Variants in RBFOX1 observed in about 807,000 individuals in gnomAD.
RBFOX1 encodes the protein RNA binding fox-1 homolog 1, also known as RNA binding protein fox-1 homolog 1.
Under a neutral mutation model 57.7 loss-of-function variants are expected in RBFOX1, and 8 were observed. The observed-to-expected ratio is 0.14, with a 90% CI of 0.08 to 0.25. The LOEUF is 0.25. RBFOX1 is among the 10% of genes least tolerant of loss of function. The pLI is 1.00. For synonymous variants in RBFOX1, 326 were observed against 222.4 expected (o/e 1.47, Z -4.15); for missense variants, 611 against 548.5 (o/e 1.11, Z -1.14).
intron 1 of RBFOX1, among the ~76,000 whole-genome samples, chr16:6,100,168 GTTGTTGTTT>G (rs2096286964): frequency 6.7e-6 from 1 of 149,142 alleles, no homozygotes; most frequent in Non-Finnish European, 1.5e-5. Flanking sequence ...TTTTTTTGTT[GTTGTTGTTT>G]TTTGAGACGG....
intron 4 of RBFOX1, among the ~76,000 whole-genome samples, chr16:7,388,933 G>A (rs1452985750): frequency 6.6e-6 from 1 of 152,084 alleles, no homozygotes; most frequent in Non-Finnish European, 1.5e-5. Context: ...CATATCATAA[G>A]TCAAGGAAAG....
intron 3 of RBFOX1, among the ~76,000 whole-genome samples, chr16:6,732,797 TAATG>T (rs1248553157): frequency 6.6e-6 from 1 of 152,190 alleles, no homozygotes; most frequent in Non-Finnish European, 1.5e-5. Context: ...GAAGAGTAAA[TAATG>T]AGGTGGAGTT....
chr16:6,406,718 G>A (rs570640697), intron 2 of RBFOX1, among the ~76,000 whole-genome samples: 5 of 152,028 alleles, frequency 3.3e-5, no homozygotes, highest in Non-Finnish European at 5.9e-5. Context: ...AGAGGATGCT[G>A]GGACCCCCAT....
chr16:6,510,852 C>G (rs527357007), intron 2 of RBFOX1, among the ~76,000 whole-genome samples: 3 of 149,910 alleles, frequency 2.0e-5, no homozygotes, highest in East Asian at 1.9e-4. Context: ...GTGCTGCACC[C>G]TTAAAAAAAA....
intron 4 of RBFOX1, among the ~76,000 whole-genome samples, chr16:7,067,474 C>T (rs1421946169): frequency 6.6e-6 from 1 of 150,668 alleles, no homozygotes; most frequent in Non-Finnish European, 1.5e-5. Context: ...ATTCTGATTG[C>T]AGTCAGAGTC....
At chr16:6,421,686 C>CA (rs2093776030) in intron 2 of RBFOX1, among the ~76,000 whole-genome samples, 1 of 152,116 alleles carries the variant, frequency 6.6e-6, no homozygotes, top group African/African-American at 2.4e-5. Context: ...ATCACACACA[C>CA]AAAAAATGAT....
chr16:5,630,399 G>A (rs975554741), intron 3 of RBFOX1, among the ~76,000 whole-genome samples: 1 of 152,114 alleles, frequency 6.6e-6, no homozygotes, highest in Non-Finnish European at 1.5e-5. Context: ...GGAGTTTGCA[G>A]TGAGCCAAGA....
rs78546624 is a variant in RBFOX1 at position 5,855,749 on chromosome 16, A to T, written c.319-11554A>T. 5.9e-3 allele frequency among the ~76,000 whole-genome samples: 899 copies of T among 151,620 alleles called. 16 individuals are homozygous for T. The highest frequency in any genetic ancestry group is 0.02 in the African/African-American group (841 of 41,366). On this transcript the variant is annotated intron_variant, in intron 3 of 19. Transcript: ENST00000641259. ...TATGAATTTTAGGGTTGTTTTTTCT[A>T]TTTCTTTGGAATTTCCTTGGAATTT...
At chr16:7,062,135 G>C (rs1032353511) in intron 4 of RBFOX1, among the ~76,000 whole-genome samples, 5 of 151,704 alleles carry the variant, frequency 3.3e-5, no homozygotes, top group African/African-American at 7.3e-5. Context: ...GGCTAACACG[G>C]TGAAACCCCA....
intron 2 of RBFOX1, among the ~76,000 whole-genome samples, chr16:6,550,881 C>T (rs2096977728): frequency 6.6e-6 from 1 of 152,104 alleles, no homozygotes; most frequent in South Asian, 2.1e-4. Flanking sequence ...TGAGTTCTTC[C>T]CAGACAAGTC....
chr16:6,235,722 T>C (rs1010809043), intron 1 of RBFOX1, among the ~76,000 whole-genome samples: 3 of 152,008 alleles, frequency 2.0e-5, no homozygotes, highest in South Asian at 4.2e-4. Flanking sequence ...CTGAATGAGA[T>C]TGGAGACTAT....
intron 3 of RBFOX1, among the ~76,000 whole-genome samples, chr16:7,048,651 T>C (rs1177930442): frequency 6.6e-6 from 1 of 152,120 alleles, no homozygotes; most frequent in Non-Finnish European, 1.5e-5. Context: ...CCGTTTGGAG[T>C]CGTTTTATAA....
intron 12 of RBFOX1, among the ~76,000 whole-genome samples, chr16:7,662,976 T>C (rs963427204): frequency 1.3e-5 from 2 of 152,206 alleles, no homozygotes; most frequent in Non-Finnish European, 2.9e-5. Context: ...TGAATGGTCA[T>C]GTCACTGCTT....
chr16:5,535,935 T>C (rs77784546), intron 2 of RBFOX1, among the ~76,000 whole-genome samples: 6,446 of 152,206 alleles, frequency 0.042, 493 homozygotes, highest in African/African-American at 0.15. Context: ...AGCCTTTTTG[T>C]TGAATGGGTA....
At chr16:5,338,838 T>C (rs2064964138) in intron 1 of RBFOX1, among the ~76,000 whole-genome samples, 2 of 152,074 alleles carry the variant, frequency 1.3e-5, no homozygotes, top group South Asian at 4.1e-4. Flanking sequence ...TTTGTATAGG[T>C]TGGGGTCTTA....
chr16:7,269,806 C>G (rs4536494), intron 4 of RBFOX1, among the ~76,000 whole-genome samples: 1 of 151,990 alleles, frequency 6.6e-6, no homozygotes, highest in Non-Finnish European at 1.5e-5. Flanking sequence ...AAGATATGAG[C>G]ATCTTTATAC....
intron 1 of RBFOX1, among the ~76,000 whole-genome samples, chr16:5,332,424 G>C (rs577703929): frequency 1.3e-5 from 2 of 151,952 alleles, no homozygotes; most frequent in African/African-American, 2.4e-5. Flanking sequence ...ACCATGCCCA[G>C]CTGATTTTTT....
chr16:6,736,727 A>C (rs1436059649), intron 3 of RBFOX1, among the ~76,000 whole-genome samples: 8 of 152,168 alleles, frequency 5.3e-5, no homozygotes, highest in Admixed American at 5.2e-4. Flanking sequence ...TCCTTAATGA[A>C]TCTCCACACT....
At chr16:5,379,650 C>A (rs1243368072) in intron 1 of RBFOX1, among the ~76,000 whole-genome samples, 4 of 152,148 alleles carry the variant, frequency 2.6e-5, no homozygotes, top group African/African-American at 9.7e-5. Context: ...GCCACCAAAT[C>A]TGAGAAACCA....
Sources: gnomAD v4.1 joint callset for allele counts (sites outside exome capture counted in the v4.1 genomes callset) on GRCh38, gnomAD v4.1.1 for gene constraint, MANE v1.5 for transcripts, NCBI Gene and HGNC (gene_info 2026-07-23, HGNC 2026-07-21) for gene names.